The following CHSY3 variants were observed in gnomAD, a reference collection of about 807,000 sequenced individuals.
The protein encoded by CHSY3 is chondroitin sulfate synthase 3.
In CHSY3, 35 loss-of-function variants were observed where a neutral mutation model predicts 67.2. That is an observed-to-expected ratio of 0.52 (90% confidence interval 0.40 to 0.69). The LOEUF is 0.69. Among genes scored for constraint, CHSY3 ranks in the 30% least tolerant of loss-of-function variants. The pLI is 0.00. For synonymous variants in CHSY3, 474 were observed against 434.7 expected (o/e 1.09, Z -1.12); for missense variants, 1,069 against 1,138.5 (o/e 0.94, Z 0.88).
chr5:130,169,822 A>AT (rs1769850216), intron 2 of CHSY3, among the ~76,000 whole-genome samples: 1 of 152,020 alleles, frequency 6.6e-6, no homozygotes, highest in African/African-American at 2.4e-5. Flanking sequence ...AAAGAAGGTA[A>AT]TTTCCTCTTT....
At chr5:129,937,414 A>G (rs981557788) in intron 2 of CHSY3, among the ~76,000 whole-genome samples, 12 of 152,192 alleles carry the variant, frequency 7.9e-5, no homozygotes, top group African/African-American at 2.9e-4. Context: ...CCCTCCTCCA[A>G]CACTGGAAAT....
At chr5:130,055,254 A>T (rs1334019749) in intron 2 of CHSY3, among the ~76,000 whole-genome samples, 1 of 149,712 alleles carries the variant, frequency 6.7e-6, no homozygotes, top group Non-Finnish European at 1.5e-5. Context: ...CTTTCTGCCA[A>T]TTATGTCTTA....
chr5:129,922,085 G>C (rs1760944002), intron 2 of CHSY3, among the ~76,000 whole-genome samples: 1 of 152,156 alleles, frequency 6.6e-6, no homozygotes, highest in Admixed American at 6.5e-5. Flanking sequence ...AACATGTGAA[G>C]TTTGTCTTTC....
At chr5:130,126,674 TA>T (rs1580760663) in intron 2 of CHSY3, among the ~76,000 whole-genome samples, 1 of 152,212 alleles carries the variant, frequency 6.6e-6, no homozygotes, top group African/African-American at 2.4e-5. Context: ...TCTAGTAGAC[TA>T]AATCTTGAAT....
chr5:129,941,765 G>GT (rs1205448416), intron 2 of CHSY3, among the ~76,000 whole-genome samples: 2 of 152,222 alleles, frequency 1.3e-5, no homozygotes, highest in East Asian at 3.9e-4. Context: ...TGGAGGTAGT[G>GT]TAAGATTGCA....
chr5:130,176,606 G>A (rs775956417), intron 2 of CHSY3, among the ~76,000 whole-genome samples: 6 of 151,514 alleles, frequency 4.0e-5, no homozygotes, highest in Admixed American at 6.6e-5. Context: ...ATGCCCATCA[G>A]TGATAGACTA....
At chr5:130,134,354 A>T (rs1768590046) in intron 2 of CHSY3, among the ~76,000 whole-genome samples, 1 of 152,222 alleles carries the variant, frequency 6.6e-6, no homozygotes, top group African/African-American at 2.4e-5. Flanking sequence ...AAAATATATT[A>T]TAAAAGTAAG....
chr5:130,079,830 A>G (rs866081462), intron 2 of CHSY3, among the ~76,000 whole-genome samples: 1 of 152,098 alleles, frequency 6.6e-6, no homozygotes, highest in Non-Finnish European at 1.5e-5. Context: ...TTCAATCCAT[A>G]TCAGAAACAA....
intron 2 of CHSY3, among the ~76,000 whole-genome samples, chr5:130,019,837 T>C (rs1464717168): frequency 6.6e-6 from 1 of 152,216 alleles, no homozygotes; most frequent in African/African-American, 2.4e-5. Context: ...CACAAAACTA[T>C]GTGGTTTAGC....
chr5:130,139,417 A>G (rs1453863805), intron 2 of CHSY3, among the ~76,000 whole-genome samples: 1 of 152,252 alleles, frequency 6.6e-6, no homozygotes, highest in Non-Finnish European at 1.5e-5. Flanking sequence ...TTAGCCGGAC[A>G]TGAAGTCTAT....
intron 2 of CHSY3, among the ~76,000 whole-genome samples, chr5:129,981,732 A>C (rs1762991123): frequency 6.6e-6 from 1 of 152,128 alleles, no homozygotes. Context: ...GTAGAGTCCC[A>C]GCATGCTACT....
intron 2 of CHSY3, among the ~76,000 whole-genome samples, chr5:130,169,893 C>T (rs369724617): frequency 1.1e-3 from 163 of 152,082 alleles, no homozygotes; most frequent in African/African-American, 3.7e-3. Flanking sequence ...CTCATATTTC[C>T]TCTGTGGATA....
intron 2 of CHSY3, among the ~76,000 whole-genome samples, chr5:130,180,620 A>AGGTG (rs1361103777): frequency 6.6e-6 from 1 of 152,130 alleles, no homozygotes; most frequent in Non-Finnish European, 1.5e-5. Context: ...TGGGAGGCTG[A>AGGTG]GGTGGGAGGA....
At chr5:130,093,207 A>T (rs147251481) in intron 2 of CHSY3, among the ~76,000 whole-genome samples, 4 of 152,310 alleles carry the variant, frequency 2.6e-5, no homozygotes, top group Non-Finnish European at 5.9e-5. Context: ...TACAAAGATG[A>T]AAAAGGTATG....
rs528739965 is a variant in CHSY3 at position 129,983,526 on chromosome 5, C to T, written c.1086+75166C>T. On this transcript the variant is annotated intron_variant, in intron 2 of 2. Transcript: ENST00000305031. ...AGATTAAGCTTAAATATTCTTTGAT[C>T]TCTGAAGAAAGTGAAGAAAGAGAGC... Among the ~76,000 whole-genome samples the T allele has an allele frequency of 6.5e-4, 99 of 152,032 alleles. 1 individual carries two copies. The South Asian group carries it at 0.02, about 31-fold the overall frequency.
intron 2 of CHSY3, among the ~76,000 whole-genome samples, chr5:129,962,881 G>A (rs1762372848): frequency 6.6e-6 from 1 of 151,976 alleles, no homozygotes; most frequent in South Asian, 2.1e-4. Flanking sequence ...AGAACACATG[G>A]GTTGTGATGT....
At chr5:130,178,253 A>ATATATTTTTTTT (rs1205782386) in intron 2 of CHSY3, among the ~76,000 whole-genome samples, 3 of 45,906 alleles carry the variant, frequency 6.5e-5, no homozygotes, top group South Asian at 9.7e-4. Context: ...ATATATATAT[A>ATATATTTTTTTT]TTTTTTTTTT....
At chr5:129,909,344 T>G (rs919887919) in intron 2 of CHSY3, among the ~76,000 whole-genome samples, 1 of 152,106 alleles carries the variant, frequency 6.6e-6, no homozygotes, top group Non-Finnish European at 1.5e-5. Context: ...TTTCAAACTT[T>G]TCATGTCACT....
At chr5:130,163,123 T>C (rs1027274957) in intron 2 of CHSY3, among the ~76,000 whole-genome samples, 16 of 152,018 alleles carry the variant, frequency 1.1e-4, no homozygotes, top group Admixed American at 1.0e-3. Flanking sequence ...AAAGCAGACA[T>C]GTGGGGCACA....
Sources: allele counts gnomAD v4.1 joint callset (sites outside exome capture counted in the v4.1 genomes callset), GRCh38; gene constraint gnomAD v4.1.1; transcripts MANE v1.5; gene names NCBI Gene and HGNC (gene_info 2026-07-23, HGNC 2026-07-21).